NR2F1: variants seen among roughly 807,000 people sequenced by gnomAD.
The protein encoded by NR2F1 is COUP transcription factor 1.
In NR2F1, 1 loss-of-function variant was observed where a neutral mutation model predicts 37.7. The ratio of observed to expected loss-of-function variants is 0.03; its 90% CI spans 0.01 to 0.13. The LOEUF is 0.13. NR2F1 is among the 10% of genes least tolerant of loss of function. The pLI, the probability that NR2F1 is intolerant of heterozygous loss-of-function variation, is 1.00. For synonymous variants in NR2F1, 275 were observed against 259.6 expected (o/e 1.06, Z -0.57); for missense variants, 268 against 578.4 (o/e 0.46, Z 5.50).
chr5:93,585,012 G>C lies in NR2F1; in HGVS notation c.-12G>C, dbSNP rs1267654792. On this transcript the variant is annotated 5_prime_UTR_variant, in exon 1 of 3. Transcript: ENST00000327111. ...AGCTCGGCTCCCCCCAGCGCTCCCC[G>C]GGCCCAAAGATATGGCAATGGTAGT... The C allele has an allele frequency of 2.0e-6, 2 of 1,000,528 alleles. No homozygotes were observed. Among genetic ancestry groups the C allele is most frequent in the Middle Eastern group, 2.9e-4 (1 of 3,496 alleles). 62.0% of individuals were successfully genotyped at this position (1,000,528 alleles called of 1,614,324 possible).
chr5:93,587,686 C>G, intron 1 of NR2F1: 1 of 535,836 alleles, frequency 1.9e-6, no homozygotes, highest in Non-Finnish European at 3.3e-6. Context: ...TCCGGCGGGG[C>G]TGACGTGGCC....
chr5:93,585,531 C>T (rs1350271586), intron 1 of NR2F1, 45 bp downstream of exon 1: 2 of 1,506,002 alleles, frequency 1.3e-6, no homozygotes, highest in Non-Finnish European at 1.8e-6. Flanking sequence ...TCGCCCGCCT[C>T]CCTGGCTCTT....
rs1424557022 is a variant in NR2F1, at chr5:93,594,475, T to G, written c.*633T>G. 6.6e-6 allele frequency: 1 copy of G among 152,228 alleles called. No individual in the cohort carries two copies. Among genetic ancestry groups the G allele is most frequent in the Non-Finnish European group, 1.5e-5 (1 of 68,042 alleles). The allele number at this position is 152,228 out of a possible 1,614,324, so 9.4% of individuals were successfully genotyped here. A position where few individuals can be genotyped will look rare whatever the true frequency, so the allele number is the denominator to read the frequency against. On this transcript the variant is annotated 3_prime_UTR_variant, in exon 3 of 3. Transcript: ENST00000327111. ...TTTTTTTCTGGTTCCAAACCAGATT[T>G]CCTGTGATTCTATACTAATAATTTT...
intron 2 of NR2F1, 115 bp downstream of exon 2, chr5:93,588,559 C>T: frequency 1.6e-6 from 1 of 626,448 alleles, no homozygotes; most frequent in Non-Finnish European, 2.0e-6. Context: ...GGGCCGGGCC[C>T]TCGCTGGACA....
chr5:93,592,488 G>A (rs776110796), intron 2 of NR2F1, among the ~76,000 whole-genome samples: 42 of 151,866 alleles, frequency 2.8e-4, no homozygotes, highest in Non-Finnish European at 5.0e-4. Context: ...CCTCTAGTTA[G>A]TTGATATAAT....
intron 2 of NR2F1, among the ~76,000 whole-genome samples, chr5:93,590,914 A>G (rs1380034450): frequency 2.0e-5 from 3 of 152,260 alleles, no homozygotes; most frequent in African/African-American, 7.2e-5. Flanking sequence ...ATTAGTTCAT[A>G]CACCTAAATA....
chr5:93,587,811 T>A, intron 1 of NR2F1, 106 bp from the exon 2 acceptor site: 1 of 1,220,850 alleles, frequency 8.2e-7, no homozygotes, highest in Non-Finnish European at 1.1e-6. Flanking sequence ...GGGGCGCGTG[T>A]GGCTGCGGGA....
At chr5:93,587,467 T>A (rs1753251728) in intron 1 of NR2F1, 1 of 163,974 alleles carries the variant, frequency 6.1e-6, no homozygotes, top group Non-Finnish European at 1.3e-5. Context: ...AGCAAAACGC[T>A]GCTTGCTTGC....
intron 1 of NR2F1, 95 bp downstream of exon 1, chr5:93,585,581 G>GACCACAGGAGCCCCA: frequency 1.0e-6 from 1 of 996,432 alleles, no homozygotes; most frequent in Non-Finnish European, 1.5e-6. Flanking sequence ...GTGGGGCTGG[G>GACCACAGGAGCCCCA]GCTCCTGTGG....
Position 93,584,668 on chromosome 5 carries a change from G to A in NR2F1, c.-356G>A, listed in dbSNP as rs1211322165. Reference sequence around the variant, plus strand: ...AGCGCGGCCCCCCCAGGAACGGAGCGCGGGGGGAGCGGGCGAGGGGAGCAG... The same window carrying A: ...AGCGCGGCCCCCCCAGGAACGGAGCACGGGGGGAGCGGGCGAGGGGAGCAG... On this transcript the variant is annotated 5_prime_UTR_variant, in exon 1 of 3. Transcript: ENST00000327111. 1 of 148,104 alleles carries A rather than the reference G, an allele frequency of 6.8e-6. No individual in the cohort carries two copies. Among genetic ancestry groups the A allele is most frequent in the East Asian group, 2.0e-4 (1 of 5,066 alleles). 9.2% of individuals were successfully genotyped at this position (148,104 alleles called of 1,614,324 possible). A position where few individuals can be genotyped will look rare whatever the true frequency, so the allele number is the denominator to read the frequency against.
chr5:93,588,544 G>T, intron 2 of NR2F1, 100 bp downstream of exon 2: 10 of 783,640 alleles, frequency 1.3e-5, no homozygotes, highest in Non-Finnish European at 1.6e-5. Context: ...CGGCCGGTGC[G>T]GGGCGGGCCG....
intron 2 of NR2F1, among the ~76,000 whole-genome samples, chr5:93,590,378 G>A (rs1753310794): frequency 6.6e-6 from 1 of 152,140 alleles, no homozygotes; most frequent in Non-Finnish European, 1.5e-5. Flanking sequence ...GGACTGTGCA[G>A]GCTGCAGGGA....
intron 2 of NR2F1, among the ~76,000 whole-genome samples, chr5:93,590,637 T>C (rs1013914877): frequency 1.3e-5 from 2 of 152,358 alleles, no homozygotes; most frequent in Admixed American, 1.3e-4. Flanking sequence ...CACTTTTGAC[T>C]AAACTTGTTT....
At chr5:93,588,532 C>CA in intron 2 of NR2F1, 88 bp downstream of exon 2, 4 of 977,150 alleles carry the variant, frequency 4.1e-6, no homozygotes, top group Non-Finnish European at 5.0e-6. Context: ...GAGCCTCCCG[C>CA]GCGGCCGGTG....
chr5:93,590,231 T>C (rs556221708), intron 2 of NR2F1, among the ~76,000 whole-genome samples: 8 of 152,264 alleles, frequency 5.3e-5, no homozygotes, highest in African/African-American at 1.9e-4. Context: ...GCGAGGTGTC[T>C]TGAAGCAGAA....
At position 93,584,700 on chromosome 5, in the gene NR2F1, T is replaced by TG. The variant is rs1321430698; in HGVS notation, c.-316dup. On this transcript the variant is annotated 5_prime_UTR_variant, in exon 1 of 3. Coordinates refer to ENST00000327111, the MANE Select transcript of NR2F1 (RefSeq NM_005654.6). Reference sequence around the variant, plus strand: ...GAGCGGGCGAGGGGAGCAGGGGTGTTGGGGGGGGAGCCTGAGAGCCTGGGG... The same window carrying TG: ...GAGCGGGCGAGGGGAGCAGGGGTGTTGGGGGGGGGAGCCTGAGAGCCTGGGG... 255 of 61,754 alleles carry TG rather than the reference T, an allele frequency of 4.1e-3. 6 individuals carry two copies. In the East Asian group the frequency reaches 0.071, roughly 17 times the overall value. 3.8% of individuals were successfully genotyped at this position (61,754 alleles called of 1,614,324 possible).
At chr5:93,591,027 G>A (rs1238319109) in intron 2 of NR2F1, among the ~76,000 whole-genome samples, 1 of 152,168 alleles carries the variant, frequency 6.6e-6, no homozygotes, top group African/African-American at 2.4e-5. Context: ...TCTAGTTATG[G>A]CAGCTGATTA....
At chr5:93,587,632 T>C (rs1369315013) in intron 1 of NR2F1, 5 of 402,988 alleles carry the variant, frequency 1.2e-5, no homozygotes, top group African/African-American at 4.1e-5. Context: ...TGGATGACAC[T>C]TTCTTGACCT....
In NR2F1 at chr5:93,591,103, A is replaced by G. The variant is rs138470318; in HGVS notation, c.992-2459A>G. Among the ~76,000 whole-genome samples the G allele has an allele frequency of 7.2e-5, 11 of 152,346 alleles. No homozygotes were observed. The East Asian group carries it at 2.1e-3, about 29-fold the overall frequency. On this transcript the variant is annotated intron_variant, in intron 2 of 2. Coordinates refer to ENST00000327111, the MANE Select transcript of NR2F1 (RefSeq NM_005654.6). ...ACATGAAATACATTCTCTGCACTAC[A>G]AAGGCTAGGCCAGGAGGGCCTGAGC...
Sources: gnomAD v4.1 joint callset for allele counts (sites outside exome capture counted in the v4.1 genomes callset) on GRCh38, gnomAD v4.1.1 for gene constraint, MANE v1.5 for transcripts, NCBI Gene and HGNC (gene_info 2026-07-23, HGNC 2026-07-21) for gene names.